The following DLG2 variants were observed in gnomAD, a reference collection of about 807,000 sequenced individuals.
The protein encoded by DLG2 is disks large homolog 2.
In DLG2, 45 loss-of-function variants were observed where a neutral mutation model predicts 132.5. That is an observed-to-expected ratio of 0.34 (90% CI 0.27 to 0.44). The LOEUF is 0.44. DLG2 is among the 20% of genes least tolerant of loss of function. The pLI, the probability that DLG2 is intolerant of heterozygous loss-of-function variation, is 1.00. For missense variants in DLG2, 1,045 were observed against 1,196.9 expected (o/e 0.87, Z 1.87); for synonymous variants, 424 against 419.6 (o/e 1.01, Z -0.13).
At chr11:84,565,365 ATTAC>A (rs1431517578) in intron 6 of DLG2, among the ~76,000 whole-genome samples, 2 of 152,156 alleles carry the variant, frequency 1.3e-5, no homozygotes, top group Non-Finnish European at 2.9e-5. Flanking sequence ...TACTGTAAAG[ATTAC>A]TTAATTTTAC....
At chr11:85,210,631 G>C in intron 4 of DLG2, among the ~76,000 whole-genome samples, 1 of 152,008 alleles carries the variant, frequency 6.6e-6, no homozygotes, top group Admixed American at 6.6e-5. Context: ...TTGACTGACA[G>C]TCCCAACTGT....
chr11:84,335,262 GAGGA>G (rs1207255468), intron 7 of DLG2, among the ~76,000 whole-genome samples: 1 of 151,458 alleles, frequency 6.6e-6, no homozygotes, highest in Non-Finnish European at 1.5e-5. Context: ...GGAACAGAGG[GAGGA>G]AGGGAGGGAG....
chr11:84,898,713 C>A (rs896870796), intron 6 of DLG2, among the ~76,000 whole-genome samples: 7 of 151,824 alleles, frequency 4.6e-5, no homozygotes, highest in African/African-American at 1.7e-4. Context: ...CATGGCATAC[C>A]CTCTTCCTAG....
chr11:85,421,073 GA>G (rs1206389041), intron 3 of DLG2, among the ~76,000 whole-genome samples: 2 of 152,194 alleles, frequency 1.3e-5, no homozygotes, highest in African/African-American at 4.8e-5. Context: ...TTTTGTGCTT[GA>G]AAAGCCAGGG....
At chr11:84,502,372 T>C (rs975375798) in intron 7 of DLG2, among the ~76,000 whole-genome samples, 2 of 89,312 alleles carry the variant, frequency 2.2e-5, no homozygotes, top group Admixed American at 1.2e-4. Flanking sequence ...CTTTCTTTCT[T>C]TCTTTCTTTC....
intron 7 of DLG2, among the ~76,000 whole-genome samples, chr11:84,494,098 A>G (rs985695080): frequency 5.3e-5 from 8 of 152,168 alleles, no homozygotes; most frequent in African/African-American, 1.2e-4. Context: ...TCTGCCTCTT[A>G]TATGTTTCAA....
At chr11:84,667,005 C>T (rs1030654544) in intron 6 of DLG2, among the ~76,000 whole-genome samples, 1 of 151,896 alleles carries the variant, frequency 6.6e-6, no homozygotes, top group Non-Finnish European at 1.5e-5. Flanking sequence ...CCCAGTTTTG[C>T]CTGAATTTTG....
chr11:83,924,676 T>C (rs1223293358), intron 15 of DLG2, among the ~76,000 whole-genome samples: 1 of 152,130 alleles, frequency 6.6e-6, no homozygotes, highest in Non-Finnish European at 1.5e-5. Flanking sequence ...TTAAAATTCA[T>C]TCTCACCTCA....
chr11:85,245,721 A>G (rs903144653), intron 4 of DLG2, among the ~76,000 whole-genome samples: 2 of 152,000 alleles, frequency 1.3e-5, no homozygotes, highest in African/African-American at 4.8e-5. Flanking sequence ...AAAATGACCA[A>G]CAAAAACCCA....
At chr11:83,525,511 G>T (rs1372789403) in intron 21 of DLG2, among the ~76,000 whole-genome samples, 1 of 152,188 alleles carries the variant, frequency 6.6e-6, no homozygotes, top group Admixed American at 6.5e-5. Context: ...TATAGGGAAA[G>T]AATCCGAGAG....
At chr11:85,187,294 C>T (rs1403970142) in intron 4 of DLG2, among the ~76,000 whole-genome samples, 2 of 151,980 alleles carry the variant, frequency 1.3e-5, no homozygotes, top group African/African-American at 2.4e-5. Flanking sequence ...CTCTAGAAAA[C>T]TTTAAAAAAT....
chr11:83,529,640 A>G (rs1444734236), intron 21 of DLG2, among the ~76,000 whole-genome samples: 3 of 151,992 alleles, frequency 2.0e-5, no homozygotes, highest in African/African-American at 4.8e-5. Context: ...TCCAGATATA[A>G]ACTATCAATC....
chr11:83,503,110 C>G (rs138086236), intron 21 of DLG2, among the ~76,000 whole-genome samples: 1 of 151,330 alleles, frequency 6.6e-6, no homozygotes, highest in Non-Finnish European at 1.5e-5. Flanking sequence ...TGACAGTGCA[C>G]GCAAAGTACT....
chr11:84,615,823 A>AAAAAAAAAAC (rs1297712920), intron 6 of DLG2, among the ~76,000 whole-genome samples: 2 of 143,318 alleles, frequency 1.4e-5, no homozygotes, highest in Admixed American at 6.9e-5. Context: ...AACGGTAAAA[A>AAAAAAAAAAC]AAAAAAAAAA....
rs1215213187 is a variant in DLG2 at position 83,825,132 on chromosome 11, T to TAC, written c.1722+8480_1722+8481dup. 1.1e-3 allele frequency among the ~76,000 whole-genome samples: 137 copies of TAC among 127,498 alleles called. 1 individual carries two copies. Among genetic ancestry groups the TAC allele is most frequent in the African/African-American group, 2.3e-3 (76 of 32,846 alleles). 83.6% of individuals were successfully genotyped at this position (127,498 alleles called of 152,430 possible). A position where few individuals can be genotyped will look rare whatever the true frequency, so the allele number is the denominator to read the frequency against. ...AGACATATATATACACATATATATATACACACACACACACACACACATATA... is the reference window on the plus strand; with the variant it reads ...AGACATATATATACACATATATATATACACACACACACACACACACACATATA... On this transcript the variant is annotated intron_variant, in intron 17 of 27. Coordinates refer to ENST00000376104, the MANE Select transcript of DLG2 (RefSeq NM_001142699.3).
intron 3 of DLG2, among the ~76,000 whole-genome samples, chr11:85,547,199 A>C (rs527435451): frequency 1.3e-5 from 2 of 152,266 alleles, no homozygotes; most frequent in South Asian, 4.2e-4. Context: ...GTGGTGACAA[A>C]ATCTCTCAGC....
At chr11:83,873,207 T>G in intron 16 of DLG2, among the ~76,000 whole-genome samples, 1 of 152,128 alleles carries the variant, frequency 6.6e-6, no homozygotes, top group Admixed American at 6.5e-5. Flanking sequence ...CTTGGGAAAA[T>G]TACTTAAACT....
chr11:85,483,256 C>A (rs753928388), intron 3 of DLG2, among the ~76,000 whole-genome samples: 17 of 152,062 alleles, frequency 1.1e-4, no homozygotes, highest in Non-Finnish European at 1.5e-4. Context: ...ATAAGGCTAG[C>A]AACAAATTTC....
chr11:83,987,650 A>G (rs894935150), intron 11 of DLG2, among the ~76,000 whole-genome samples: 4 of 152,146 alleles, frequency 2.6e-5, no homozygotes, highest in Non-Finnish European at 4.4e-5. Context: ...CCATATGTAG[A>G]AAGCTGAAAC....
Sources: gnomAD v4.1 joint callset for allele counts (sites outside exome capture counted in the v4.1 genomes callset) on GRCh38, gnomAD v4.1.1 for gene constraint, MANE v1.5 for transcripts, NCBI Gene and HGNC (gene_info 2026-07-23, HGNC 2026-07-21) for gene names.